The following HNF4A variants were observed in gnomAD, a reference collection of about 807,000 sequenced individuals.
HNF4A encodes hepatocyte nuclear factor 4-alpha.
HNF4A carries 15 observed loss-of-function variants against 52.4 expected under a neutral mutation model. The observed-to-expected ratio is 0.29, with a 90% CI of 0.19 to 0.44. The LOEUF is 0.44. Ranked by LOEUF, HNF4A falls within the 20% of genes least tolerant of loss-of-function variation. The pLI is 1.00. For missense variants in HNF4A, 479 were observed against 647.2 expected, an observed-to-expected ratio of 0.74 and a Z score of 2.82; for synonymous variants, 280 against 264.4, an observed-to-expected ratio of 1.06 and a Z score of -0.57.
chr20:44,427,039 A>G (rs1273344245), intron 8 of HNF4A, among the ~76,000 whole-genome samples: 1 of 152,188 alleles, frequency 6.6e-6, no homozygotes, highest in African/African-American at 2.4e-5. Flanking sequence ...GATACTTGGA[A>G]CTGGACAATT....
intron 1 of HNF4A, among the ~76,000 whole-genome samples, chr20:44,376,070 C>T (rs2063081783): frequency 6.6e-6 from 1 of 152,076 alleles, no homozygotes; most frequent in African/African-American, 2.4e-5. Flanking sequence ...CATGATGAAA[C>T]TCTGTCTCTA....
At chr20:44,360,015 G>A (rs186745955) in intron 1 of HNF4A, among the ~76,000 whole-genome samples, 131 of 152,208 alleles carry the variant, frequency 8.6e-4, no homozygotes, top group Middle Eastern at 3.4e-3. Context: ...GTTTCCCTTG[G>A]TTATTTATTT....
intron 4 of HNF4A, 119 bp from the exon 5 acceptor site, chr20:44,414,388 G>A (rs1377990142): frequency 7.0e-7 from 1 of 1,429,088 alleles, no homozygotes; most frequent in South Asian, 1.2e-5. Flanking sequence ...GAGCTGGAGG[G>A]CACCCACTAT....
At chr20:44,407,176 T>C (rs937995012) in intron 2 of HNF4A, among the ~76,000 whole-genome samples, 1 of 152,144 alleles carries the variant, frequency 6.6e-6, no homozygotes, top group Non-Finnish European at 1.5e-5. Context: ...TGAGCCTCAG[T>C]TTTCCCATGT....
chr20:44,393,698 A>G (rs934614481), intron 1 of HNF4A, among the ~76,000 whole-genome samples: 9 of 152,090 alleles, frequency 5.9e-5, no homozygotes, highest in African/African-American at 1.9e-4. Context: ...CTGCATATCC[A>G]GTGGCCATGA....
intron 8 of HNF4A, among the ~76,000 whole-genome samples, chr20:44,425,465 A>G (rs1798310381): frequency 6.6e-6 from 1 of 152,164 alleles, no homozygotes; most frequent in Non-Finnish European, 1.5e-5. Flanking sequence ...TTGCTGATTG[A>G]TCAGACATAG....
intron 1 of HNF4A, chr20:44,401,653 G>A: frequency 2.3e-6 from 1 of 428,918 alleles, no homozygotes; most frequent in Non-Finnish European, 3.1e-6. Context: ...CATGTGCCCA[G>A]GCACAGTGAT....
upstream of HNF4A, chr20:44,401,145 C>A: frequency 1.5e-6 from 2 of 1,357,714 alleles, no homozygotes; most frequent in Non-Finnish European, 9.7e-7. Flanking sequence ...CCCGCCCAGC[C>A]TATCCACCGG....
At chr20:44,401,192 C>G (rs973924996), upstream of HNF4A, 14 of 1,480,210 alleles carry the variant, frequency 9.5e-6, no homozygotes, top group South Asian at 1.3e-5. Flanking sequence ...CACCCCTCCC[C>G]GGCAGAGCCT....
intron 1 of HNF4A, among the ~76,000 whole-genome samples, chr20:44,394,518 A>G (rs1402701370): frequency 6.6e-6 from 1 of 152,182 alleles, no homozygotes; most frequent in Non-Finnish European, 1.5e-5. Flanking sequence ...ATCCTCCTAA[A>G]GATTCTCCTG....
intron 9 of HNF4A, among the ~76,000 whole-genome samples, chr20:44,428,811 G>C (rs1462296756): frequency 2.6e-5 from 4 of 152,212 alleles, no homozygotes; most frequent in African/African-American, 9.6e-5. Context: ...AGGCTGCACA[G>C]TTGGGTAAGG....
At position 44,419,844 on chromosome 20, in the gene HNF4A, C is replaced by G. The variant is rs746602886; in HGVS notation, c.860C>G (p.Ala287Gly). Residue 287 changes from alanine (A) to glycine (G), a missense_variant, in exon 7 of 10, where the codon GCC (alanine) becomes GGC (glycine). Ala to Gly is a moderately conservative substitution (Grantham distance 60). Coordinates refer to ENST00000316099, the MANE Select transcript of HNF4A (RefSeq NM_000457.6). The stretch of plus-strand genomic sequence containing the variant: ...CTGCAGATCGATGACAATGAGTATG[C>G]CTACCTCAAAGCCATCATCTTCTTT... 6.2e-7 allele frequency: 1 copy of G among 1,614,100 alleles called. No homozygotes were observed. Among genetic ancestry groups the G allele is most frequent in the Admixed American group, 1.7e-5 (1 of 60,014 alleles).
chr20:44,368,160 A>ATATATATATATATATATTT (rs1200638153), intron 1 of HNF4A, among the ~76,000 whole-genome samples: 1 of 27,780 alleles, frequency 3.6e-5, no homozygotes, highest in Non-Finnish European at 6.0e-5. Flanking sequence ...ATATATATAT[A>ATATATATATATATATATTT]TTTTTTTTTT....
chr20:44,421,532 T>C (rs1455896114), intron 7 of HNF4A, among the ~76,000 whole-genome samples: 1 of 151,942 alleles, frequency 6.6e-6, no homozygotes, highest in East Asian at 1.9e-4. Context: ...GGCAGGCAGA[T>C]TACTTGACGT....
At chr20:44,369,278 A>AAAAC (rs2063006751) in intron 1 of HNF4A, among the ~76,000 whole-genome samples, 6 of 142,622 alleles carry the variant, frequency 4.2e-5, no homozygotes, top group African/African-American at 1.1e-4. Context: ...AAAAAAAAAA[A>AAAAC]CTGGGCCGGC....
rs769007443 is a variant in HNF4A at position 44,406,132 on chromosome 20, G to A, written c.190G>A (p.Gly64Arg). ...TGTCAGCGCCCTGTGTGCCATCTGC[G>A]GGGACCGGGCCACGGGCAAACACTA... is the stretch of plus-strand genomic sequence containing the variant. Residue 64 changes from glycine to arginine, a missense_variant, in exon 2 of 10, where the codon GGG becomes AGG. Transcript: ENST00000316099. 4.3e-6 allele frequency: 7 copies of A among 1,613,820 alleles called. No individual in the cohort carries two copies. Among genetic ancestry groups the A allele is most frequent in the East Asian group, 2.2e-5 (1 of 44,882 alleles).
At chr20:44,375,385 T>C (rs546769070) in intron 1 of HNF4A, among the ~76,000 whole-genome samples, 1 of 152,346 alleles carries the variant, frequency 6.6e-6, no homozygotes, top group South Asian at 2.1e-4. Flanking sequence ...TAGTTTCTTT[T>C]GCTGTGTAGA....
At chr20:44,427,582 T>C (rs762966460) in intron 8 of HNF4A, among the ~76,000 whole-genome samples, 3 of 152,246 alleles carry the variant, frequency 2.0e-5, no homozygotes, top group Non-Finnish European at 2.9e-5. Flanking sequence ...TCCCATGTGG[T>C]ATTTTTACTC....
intron 1 of HNF4A, among the ~76,000 whole-genome samples, chr20:44,367,025 C>T (rs6017329): frequency 0.019 from 2,860 of 152,220 alleles, 102 homozygotes; most frequent in African/African-American, 0.066. Context: ...CCAGGTACTA[C>T]TCTAAGCACT....
Sources: allele counts gnomAD v4.1 joint callset (sites outside exome capture counted in the v4.1 genomes callset), GRCh38; gene constraint gnomAD v4.1.1; transcripts MANE v1.5; gene names NCBI Gene and HGNC (gene_info 2026-07-23, HGNC 2026-07-21).